The following GRM7 variants were observed in gnomAD, a reference collection of about 807,000 sequenced individuals.
The protein encoded by GRM7 is glutamate metabotropic receptor 7.
In GRM7, 35 loss-of-function variants were observed where a neutral mutation model predicts 84.5. The ratio of observed to expected loss-of-function variants is 0.41; its 90% CI spans 0.32 to 0.55. The LOEUF (loss-of-function observed/expected upper bound fraction) is 0.55, where lower values mean the gene tolerates loss of function less well. Among genes scored for constraint, GRM7 ranks in the 20% least tolerant of loss-of-function variants. The pLI, the probability that GRM7 is intolerant of heterozygous loss-of-function variation, is 0.19. For synonymous variants in GRM7, 487 were observed against 455.1 expected (o/e 1.07, Z -0.89); for missense variants, 1,003 against 1,194.6 (o/e 0.84, Z 2.36).
At chr3:7,274,582 G>A (rs1698983467) in intron 2 of GRM7, among the ~76,000 whole-genome samples, 1 of 151,986 alleles carries the variant, frequency 6.6e-6, no homozygotes, top group Non-Finnish European at 1.5e-5. Context: ...AACAAATTAA[G>A]TATTTAACTC....
chr3:7,455,930 G>T (rs889575396), intron 6 of GRM7, among the ~76,000 whole-genome samples: 1 of 151,982 alleles, frequency 6.6e-6, no homozygotes, highest in Non-Finnish European at 1.5e-5. Context: ...CAATCTTCAG[G>T]AGTTGCCTAG....
intron 4 of GRM7, among the ~76,000 whole-genome samples, chr3:7,323,808 C>T (rs1356075665): frequency 6.6e-6 from 1 of 152,118 alleles, no homozygotes; most frequent in Non-Finnish European, 1.5e-5. Flanking sequence ...CTAGTGGGCA[C>T]TTATAATATG....
In GRM7 at chr3:7,269,381, C is replaced by T. The variant is rs531654036; in HGVS notation, c.737-29303C>T. On this transcript the variant is annotated intron_variant, in intron 2 of 9. Transcript: ENST00000357716. ...CTCTTACTTTCCAAACTGAGTGGTG[C>T]TCAAGCAACCCTTGCTACACATTAG... Among the ~76,000 whole-genome samples, 24 of 152,272 alleles carry T rather than the reference C, an allele frequency of 1.6e-4. No homozygotes were observed. In the East Asian group the frequency reaches 4.6e-3, roughly 29 times the overall value.
chr3:7,599,025 T>G (rs1166818392), intron 8 of GRM7, among the ~76,000 whole-genome samples: 1 of 152,206 alleles, frequency 6.6e-6, no homozygotes, highest in Non-Finnish European at 1.5e-5. Context: ...CTCAGATATT[T>G]CAACTGGAAG....
intron 2 of GRM7, among the ~76,000 whole-genome samples, chr3:7,195,750 C>G (rs918717630): frequency 1.3e-5 from 2 of 151,922 alleles, no homozygotes; most frequent in African/African-American, 4.8e-5. Context: ...ATCCGGTAGT[C>G]CATTTTAGAA....
chr3:7,173,285 C>G (rs922079660), intron 2 of GRM7, among the ~76,000 whole-genome samples: 10 of 152,190 alleles, frequency 6.6e-5, no homozygotes, highest in African/African-American at 2.2e-4. Context: ...TCCTGAATTT[C>G]ACCACTTCTC....
chr3:7,417,648 G>A (rs1238548288), intron 5 of GRM7, among the ~76,000 whole-genome samples: 1 of 152,040 alleles, frequency 6.6e-6, no homozygotes, highest in Non-Finnish European at 1.5e-5. Context: ...TTTTATCTGA[G>A]GACTGTAGAA....
chr3:6,951,953 A>T (rs778920115), intron 1 of GRM7, among the ~76,000 whole-genome samples: 4 of 151,942 alleles, frequency 2.6e-5, no homozygotes, highest in Non-Finnish European at 5.9e-5. Flanking sequence ...GATTTTCTTT[A>T]TCCCTGGTAG....
At chr3:7,097,615 T>A (rs1024462604) in intron 1 of GRM7, among the ~76,000 whole-genome samples, 1 of 152,136 alleles carries the variant, frequency 6.6e-6, no homozygotes, top group Non-Finnish European at 1.5e-5. Context: ...GAATCTTTAA[T>A]TTTTGACTAA....
chr3:7,132,548 G>A (rs751398622), intron 1 of GRM7, among the ~76,000 whole-genome samples: 5 of 152,018 alleles, frequency 3.3e-5, no homozygotes, highest in Non-Finnish European at 4.4e-5. Flanking sequence ...AGTAGGAAAC[G>A]CTAAATGCTC....
chr3:7,055,526 T>TTTAAG (rs1559409898), intron 1 of GRM7, among the ~76,000 whole-genome samples: 2 of 149,762 alleles, frequency 1.3e-5, no homozygotes, highest in African/African-American at 4.9e-5. Context: ...TATATATACA[T>TTTAAG]ACACACACAT....
At chr3:6,957,551 GGTTT>G (rs879510117) in intron 1 of GRM7, among the ~76,000 whole-genome samples, 11 of 152,328 alleles carry the variant, frequency 7.2e-5, no homozygotes, top group Admixed American at 7.2e-4. Context: ...CCTTCGTGTA[GGTTT>G]GTTTTACTGG....
At chr3:7,614,412 A>G (rs17047717) in intron 8 of GRM7, among the ~76,000 whole-genome samples, 461 of 152,304 alleles carry the variant, frequency 3.0e-3, no homozygotes, top group South Asian at 0.014. Context: ...CGTGCAAGGA[A>G]CAACCCAGAA....
chr3:6,891,263 G>A (rs186907007), intron 1 of GRM7, among the ~76,000 whole-genome samples: 11,823 of 152,166 alleles, frequency 0.078, 521 homozygotes, highest in Middle Eastern at 0.12. Flanking sequence ...GTGTGAATTT[G>A]ATCCTGTCAT....
intron 9 of GRM7, among the ~76,000 whole-genome samples, chr3:7,722,132 G>C (rs1701971814): frequency 6.6e-6 from 1 of 152,162 alleles, no homozygotes; most frequent in Admixed American, 6.5e-5. Context: ...TAGGCAGGCT[G>C]ACCTGCTTTG....
At chr3:6,868,512 G>A (rs1001003733) in intron 1 of GRM7, among the ~76,000 whole-genome samples, 5 of 151,994 alleles carry the variant, frequency 3.3e-5, no homozygotes, top group Non-Finnish European at 5.9e-5. Flanking sequence ...AAGTAGCCCC[G>A]TATGCAGGAA....
intron 2 of GRM7, among the ~76,000 whole-genome samples, chr3:7,229,749 ATATATATATATTTTTTT>A (rs1559514661): frequency 0.031 from 1,038 of 33,594 alleles, 93 homozygotes; most frequent in Non-Finnish European, 0.042. Flanking sequence ...ATATATATAT[ATATATATATATTTTTTT>A]TTTTTTTTGG....
At chr3:7,240,136 T>TTTTTTG (rs1697500995) in intron 2 of GRM7, among the ~76,000 whole-genome samples, 1 of 145,358 alleles carries the variant, frequency 6.9e-6, no homozygotes, top group African/African-American at 2.5e-5. Context: ...TTTTTTTTTT[T>TTTTTTG]TTTTTTTTCC....
At chr3:7,425,798 A>G (rs947961025) in intron 5 of GRM7, among the ~76,000 whole-genome samples, 46 of 152,204 alleles carry the variant, frequency 3.0e-4, no homozygotes, top group Admixed American at 3.3e-4. Context: ...ACAAAGAAAA[A>G]GATGCCAAGA....
Sources: allele counts gnomAD v4.1 joint callset (sites outside exome capture counted in the v4.1 genomes callset), GRCh38; gene constraint gnomAD v4.1.1; transcripts MANE v1.5; gene names NCBI Gene and HGNC (gene_info 2026-07-23, HGNC 2026-07-21).